The following DNAAF4 variants were observed in gnomAD, a reference collection of about 807,000 sequenced individuals.
The protein encoded by DNAAF4 is dynein assembly factor 4, axonemal.
DNAAF4 carries 43 observed loss-of-function variants against 51.8 expected under a neutral mutation model. The ratio of observed to expected loss-of-function variants is 0.83; its 90% CI spans 0.65 to 1.07. The LOEUF (loss-of-function observed/expected upper bound fraction) is 1.07. DNAAF4 is among the 50% of genes least tolerant of loss of function. The probability of loss-of-function intolerance (pLI) is 0.00; values close to 1 mark genes in which losing one functional copy is unlikely to be tolerated. For missense variants in DNAAF4, 581 were observed against 493.0 expected, an observed-to-expected ratio of 1.18 and a Z score of -1.69; for synonymous variants, 194 against 165.6, an observed-to-expected ratio of 1.17 and a Z score of -1.32.
intron 6 of DNAAF4, among the ~76,000 whole-genome samples, chr15:55,449,455 G>A (rs1193040391): frequency 6.7e-6 from 1 of 148,678 alleles, no homozygotes; most frequent in Non-Finnish European, 1.5e-5. Flanking sequence ...CTGAGGTCAG[G>A]AGTTTGAGAC....
At chr15:55,448,427 G>C (rs1351460239) in intron 6 of DNAAF4, among the ~76,000 whole-genome samples, 2 of 146,050 alleles carry the variant, frequency 1.4e-5, no homozygotes, top group Non-Finnish European at 3.0e-5. Flanking sequence ...TTGAGCCCAA[G>C]AGTTCAAGGC....
intron 7 of DNAAF4, among the ~76,000 whole-genome samples, chr15:55,436,158 C>T (rs984450124): frequency 1.3e-5 from 2 of 152,202 alleles, no homozygotes; most frequent in Admixed American, 6.6e-5. Context: ...CCTCTACCAA[C>T]AGTGCACAGG....
downstream of DNAAF4, among the ~76,000 whole-genome samples, chr15:55,429,205 G>A (rs1360202092): frequency 6.6e-6 from 1 of 151,108 alleles, no homozygotes; most frequent in African/African-American, 2.4e-5. Flanking sequence ...CTGGGTTACA[G>A]AGCCAGACTA....
intron 6 of DNAAF4, among the ~76,000 whole-genome samples, chr15:55,440,431 T>G (rs2057690710): frequency 6.6e-6 from 1 of 151,642 alleles, no homozygotes; most frequent in South Asian, 2.1e-4. Flanking sequence ...CAGGCTGGAG[T>G]GCAGTGGTGC....
chr15:55,419,718 C>T (rs1355785532), intron 7 of DNAAF4, among the ~76,000 whole-genome samples: 2 of 151,996 alleles, frequency 1.3e-5, no homozygotes, highest in African/African-American at 2.4e-5. Context: ...CAATATTGGC[C>T]GGGTGCGGTG....
At chr15:55,433,224 C>T (rs1254671448) in intron 8 of DNAAF4, among the ~76,000 whole-genome samples, 1 of 151,632 alleles carries the variant, frequency 6.6e-6, no homozygotes, top group African/African-American at 2.4e-5. Context: ...CACTTGAATC[C>T]GGGAGGCAGG....
intron 5 of DNAAF4, among the ~76,000 whole-genome samples, chr15:55,461,972 A>G (rs183954661): frequency 6.6e-6 from 1 of 152,378 alleles, no homozygotes; most frequent in Non-Finnish European, 1.5e-5. Context: ...CCACAGGGAT[A>G]CAAAAGATCA....
chr15:55,443,314 AG>A (rs1228643420), intron 6 of DNAAF4: 14 of 1,272,844 alleles, frequency 1.1e-5, no homozygotes, highest in Non-Finnish European at 1.4e-5. Context: ...CGGCTGGCAA[AG>A]GGCCCCCAGC....
chr15:55,495,536 AGAC>A (rs1166139270), intron 3 of DNAAF4, among the ~76,000 whole-genome samples: 3 of 152,182 alleles, frequency 2.0e-5, no homozygotes, highest in Non-Finnish European at 4.4e-5. Flanking sequence ...TAGGAGTTCA[AGAC>A]CTATCGGCAA....
At chr15:55,448,296 T>C (rs926485920) in intron 6 of DNAAF4, among the ~76,000 whole-genome samples, 3 of 152,152 alleles carry the variant, frequency 2.0e-5, no homozygotes, top group Non-Finnish European at 2.9e-5. Flanking sequence ...TTTGATGTGC[T>C]GCTGCATTCG....
At chr15:55,456,373 C>T (rs1264396057) in intron 5 of DNAAF4, among the ~76,000 whole-genome samples, 1 of 152,244 alleles carries the variant, frequency 6.6e-6, no homozygotes, top group Admixed American at 6.6e-5. Context: ...TGAGCCACTG[C>T]ATCCGGCGGA....
Position 55,498,584 on chromosome 15 carries a change from T to A in DNAAF4, c.-255A>T. ...TGTTCAAAGAAGTAGACCCATACCC[T>A]CTGCTTGAGAAAAAAAAAAAAAAAA... On this transcript the variant is annotated splice_region_variant and 5_prime_UTR_variant, in exon 2 of 10. Transcript: ENST00000321149. 2 of 104,420 alleles carry A rather than the reference T, an allele frequency of 1.9e-5. No individual in the cohort carries two copies. The highest frequency in any genetic ancestry group is 2.0e-4 in the East Asian group (1 of 5,072). The allele number at this position is 104,420 out of a possible 1,614,324, so 6.5% of individuals were successfully genotyped here.
intron 4 of DNAAF4, among the ~76,000 whole-genome samples, chr15:55,485,480 G>C (rs1208530637): frequency 6.6e-6 from 1 of 152,142 alleles, no homozygotes; most frequent in African/African-American, 2.4e-5. Context: ...TACCTTATCT[G>C]CATGATCAGG....
At chr15:55,507,254 C>T (rs988639966) in intron 1 of DNAAF4, among the ~76,000 whole-genome samples, 1 of 152,122 alleles carries the variant, frequency 6.6e-6, no homozygotes, top group African/African-American at 2.4e-5. Flanking sequence ...GTGGTTACCT[C>T]CTGATAAACC....
At chr15:55,496,398 T>C (rs1313963109) in intron 3 of DNAAF4, among the ~76,000 whole-genome samples, 2 of 152,202 alleles carry the variant, frequency 1.3e-5, no homozygotes, top group South Asian at 4.1e-4. Context: ...GTAGCCAGGG[T>C]TGGGAACATC....
rs370022350 is a variant in DNAAF4 at position 55,450,276 on chromosome 15, G to T, written c.729C>A (p.Thr243=). ...GAAGAGCTGTTGGGAATACTCGAGG[G>T]GTAAAGTTGATTTTAATACTGCCAA... is the stretch of plus-strand genomic sequence containing the variant. The part of the protein sequence containing the change: ...RSVGSIKINF[T]PRVFPTALRE... Residue 243 remains threonine (T), a synonymous_variant, in exon 6 of 10, where the codon ACC becomes ACA. Transcript: ENST00000321149. The T allele has an allele frequency of 6.2e-7, 1 of 1,613,946 alleles. No individual in the cohort carries two copies. The highest frequency in any genetic ancestry group is 2.2e-5 in the East Asian group (1 of 44,860).
chr15:55,476,336 C>T (rs1371282989), intron 4 of DNAAF4, among the ~76,000 whole-genome samples: 2 of 151,940 alleles, frequency 1.3e-5, no homozygotes, highest in Admixed American at 6.6e-5. Context: ...GCGTGTAGTC[C>T]CAGCTACTCA....
At chr15:55,443,369 G>A (rs377224792) in intron 6 of DNAAF4, 94 of 708,658 alleles carry the variant, frequency 1.3e-4, no homozygotes, top group Middle Eastern at 3.6e-4. Flanking sequence ...GCTCAGGGCC[G>A]TGCAGGCCGT....
In DNAAF4 at chr15:55,434,818, T is replaced by G. The variant is rs112519955; in HGVS notation, c.1047+87A>C. ...TTAAAATCTTTGCATCTCAATTATT[T>G]CAACTGAACAGAAAAAGATCATCAT... On this transcript the variant is annotated intron_variant, in intron 8 of 9. Coordinates refer to ENST00000321149, the MANE Select transcript of DNAAF4 (RefSeq NM_130810.4). The G allele has an allele frequency of 5.4e-3, 6,078 of 1,128,992 alleles. 186 individuals are homozygous for G. In the African/African-American group the frequency reaches 0.072, roughly 13 times the overall value. The allele number at this position is 1,128,992 out of a possible 1,614,324, so 69.9% of individuals were successfully genotyped here. A position where few individuals can be genotyped will look rare whatever the true frequency, so the allele number is the denominator to read the frequency against.
Sources: allele counts gnomAD v4.1 joint callset (sites outside exome capture counted in the v4.1 genomes callset), GRCh38; gene constraint gnomAD v4.1.1; transcripts MANE v1.5; gene names NCBI Gene and HGNC (gene_info 2026-07-23, HGNC 2026-07-21).